DGKH: variants seen among roughly 807,000 people sequenced by gnomAD.
The protein encoded by DGKH is diacylglycerol kinase eta.
A neutral mutation model predicts 159.3 loss-of-function variants in DGKH; 90 were observed. That is an observed-to-expected ratio of 0.57 (90% confidence interval 0.48 to 0.67). The LOEUF (loss-of-function observed/expected upper bound fraction) is 0.67, where lower values mean the gene tolerates loss of function less well. DGKH is among the 30% of genes least tolerant of loss of function. The pLI, the probability that DGKH is intolerant of heterozygous loss-of-function variation, is 0.00. For synonymous variants in DGKH, 536 were observed against 553.8 expected (o/e 0.97, Z 0.45); for missense variants, 1,181 against 1,506.1 (o/e 0.78, Z 3.57).
upstream of DGKH, among the ~76,000 whole-genome samples, chr13:42,045,461 C>T (rs923203188): frequency 6.6e-6 from 1 of 152,204 alleles, no homozygotes; most frequent in Non-Finnish European, 1.5e-5. Context: ...AACATCTTTG[C>T]ATTAGGTCTA....
chr13:42,186,047 G>A (rs926549356), intron 13 of DGKH, among the ~76,000 whole-genome samples: 3 of 136,156 alleles, frequency 2.2e-5, no homozygotes, highest in African/African-American at 8.4e-5. Flanking sequence ...GTGTGTGTGT[G>A]TGTATGTCCT....
At chr13:42,254,908 G>A (rs1958646298) in intron 30 of DGKH, among the ~76,000 whole-genome samples, 1 of 151,760 alleles carries the variant, frequency 6.6e-6, no homozygotes. Flanking sequence ...AATAATGAAT[G>A]TGATGCTTTC....
intron 1 of DGKH, chr13:42,066,147 G>T (rs1468222393): frequency 1.4e-4 from 22 of 152,252 alleles, no homozygotes; most frequent in Admixed American, 1.4e-3. Context: ...CCGCCCACCT[G>T]GGCCTCCCAA....
chr13:42,178,137 G>T lies in DGKH; in HGVS notation c.1455G>T (p.Met485Ile). Residue 485 changes from methionine to isoleucine, a missense_variant and splice_region_variant, in exon 13 of 30, where the codon ATG (methionine) becomes ATT (isoleucine). Met to Ile is a conservative substitution (Grantham distance 10, BLOSUM62 1). Coordinates refer to ENST00000337343, the MANE Select transcript of DGKH (RefSeq NM_178009.5). ...GTGTAGAGTTTTCTTTTCTTCAGAT[G>T]ACGATTTATGAAGACTCAGTTGCAA... ...GPPEASEEFY[M>I]TIYEDSVATH... is the part of the protein sequence containing the mutation. 1 of 1,605,938 alleles carries T rather than the reference G, an allele frequency of 6.2e-7. No individual in the cohort carries two copies. Among genetic ancestry groups the T allele is most frequent in the Non-Finnish European group, 8.5e-7 (1 of 1,174,940 alleles).
chr13:42,132,912 T>C (rs1955317882), intron 3 of DGKH, among the ~76,000 whole-genome samples: 1 of 152,036 alleles, frequency 6.6e-6, no homozygotes, highest in Non-Finnish European at 1.5e-5. Context: ...CTCACGTCTG[T>C]AATCCCAGCA....
At chr13:42,096,483 TC>T (rs2137761502) in intron 1 of DGKH, among the ~76,000 whole-genome samples, 1 of 152,300 alleles carries the variant, frequency 6.6e-6, no homozygotes, top group South Asian at 2.1e-4. Context: ...CTTTATCTAA[TC>T]CACCATTGAT....
intron 16 of DGKH, among the ~76,000 whole-genome samples, chr13:42,193,345 G>T (rs538818327): frequency 6.6e-6 from 1 of 152,164 alleles, no homozygotes; most frequent in African/African-American, 2.4e-5. Flanking sequence ...ATATAGTGCT[G>T]TAAATGTTGA....
At chr13:42,132,317 A>C (rs1304963658) in intron 3 of DGKH, among the ~76,000 whole-genome samples, 2 of 152,204 alleles carry the variant, frequency 1.3e-5, no homozygotes, top group African/African-American at 4.8e-5. Context: ...GAAGCTATAT[A>C]ATATGTTATT....
At chr13:42,068,436 G>A (rs879914672) in intron 1 of DGKH, among the ~76,000 whole-genome samples, 1 of 152,090 alleles carries the variant, frequency 6.6e-6, no homozygotes, top group African/African-American at 2.4e-5. Context: ...GCATATTTTT[G>A]TTACTTTGAG....
chr13:42,044,107 C>T (rs1220905902), upstream of DGKH: 1 of 152,354 alleles, frequency 6.6e-6, no homozygotes. Flanking sequence ...ATCTGCCCAC[C>T]TCAGCCTCCT....
At chr13:42,225,229 G>C (rs1303107027) in intron 29 of DGKH, 4 of 1,533,572 alleles carry the variant, frequency 2.6e-6, no homozygotes, top group Non-Finnish European at 3.5e-6. Flanking sequence ...AGCCAGGAAA[G>C]TATTTCCAAT....
rs142591241 is a variant in DGKH at position 42,228,143 on chromosome 13, G to A, written c.3574-956G>A. Among the ~76,000 whole-genome samples the A allele has an allele frequency of 4.5e-3, 678 of 152,190 alleles. 3 individuals carry two copies. The highest frequency in any genetic ancestry group is 0.01 in the Middle Eastern group (3 of 294). ...ACTAGCAGTTATTCACCCTTGGATA[G>A]GTTTAATTTATTCCTGCAACAAATA... On this transcript the variant is annotated intron_variant, in intron 29 of 29. Coordinates refer to ENST00000337343, the MANE Select transcript of DGKH (RefSeq NM_178009.5).
chr13:42,188,427 C>T (rs887690351), intron 14 of DGKH, among the ~76,000 whole-genome samples: 1 of 152,196 alleles, frequency 6.6e-6, no homozygotes, highest in Non-Finnish European at 1.5e-5. Context: ...CCTTCCTGCA[C>T]TTTCTTTGAG....
intron 11 of DGKH, 117 bp from the exon 12 acceptor site, chr13:42,173,941 ATG>A (rs71298955): frequency 0.03 from 12,731 of 429,924 alleles, no homozygotes; most frequent in South Asian, 0.037. Context: ...TAGTTCATGA[ATG>A]TGTGTGTGTG....
In DGKH at chr13:42,168,847, A is replaced by T. The variant is rs549266212; in HGVS notation, c.1367+29A>T. On this transcript the variant is annotated intron_variant, in intron 11 of 29. Transcript: ENST00000337343. ...AAAGTAAATTCTTTTCTACAACTAG[A>T]TGGAAAATGGCATACTGAAATCATT... is the stretch of plus-strand genomic sequence containing the variant. 8 of 1,595,678 alleles carry T rather than the reference A, an allele frequency of 5.0e-6. No individual in the cohort carries two copies. In the East Asian group the frequency reaches 1.8e-4, roughly 36 times the overall value.
chr13:42,226,032 A>AT (rs1468794266), intron 29 of DGKH, among the ~76,000 whole-genome samples: 3 of 152,138 alleles, frequency 2.0e-5, no homozygotes, highest in Non-Finnish European at 4.4e-5. Context: ...ATGGGAGAAA[A>AT]TTTTTGCAAT....
chr13:42,074,178 T>C (rs746393924), intron 1 of DGKH, among the ~76,000 whole-genome samples: 3 of 152,252 alleles, frequency 2.0e-5, no homozygotes, highest in Non-Finnish European at 4.4e-5. Flanking sequence ...TGAAGGAAGC[T>C]GATTTGTTTG....
At chr13:42,173,256 G>A (rs1413612814) in intron 11 of DGKH, among the ~76,000 whole-genome samples, 3 of 151,822 alleles carry the variant, frequency 2.0e-5, no homozygotes, top group Non-Finnish European at 4.4e-5. Context: ...CAGGCATGAG[G>A]CACCACACCT....
At chr13:42,205,448 C>T (rs1248606399) in intron 20 of DGKH, among the ~76,000 whole-genome samples, 2 of 152,104 alleles carry the variant, frequency 1.3e-5, no homozygotes, top group Non-Finnish European at 2.9e-5. Context: ...CAGCCATATC[C>T]TTTTTTTCCA....
Sources: allele counts gnomAD v4.1 joint callset (sites outside exome capture counted in the v4.1 genomes callset), GRCh38; gene constraint gnomAD v4.1.1; transcripts MANE v1.5; gene names NCBI Gene and HGNC (gene_info 2026-07-23, HGNC 2026-07-21).